The following TMEM232 variants were observed in gnomAD, a reference collection of about 807,000 sequenced individuals.
The protein encoded by TMEM232 is transmembrane protein 232.
A neutral mutation model predicts 78.8 loss-of-function variants in TMEM232; 80 were observed. The ratio of observed to expected loss-of-function variants is 1.01; its 90% CI spans 0.85 to 1.22. The LOEUF (loss-of-function observed/expected upper bound fraction) is 1.22, where lower values mean the gene tolerates loss of function less well. Ranked by LOEUF, TMEM232 falls within the 50% of genes most tolerant of loss-of-function variation. The pLI, the probability that TMEM232 is intolerant of heterozygous loss-of-function variation, is 0.00. For synonymous variants in TMEM232, 297 were observed against 254.3 expected (o/e 1.17, Z -1.60); for missense variants, 881 against 742.2 (o/e 1.19, Z -2.17).
chr5:110,685,225 G>C (rs1793248949), intron 1 of TMEM232, among the ~76,000 whole-genome samples: 1 of 151,994 alleles, frequency 6.6e-6, no homozygotes, highest in Admixed American at 6.6e-5. Flanking sequence ...TGGCACTTCA[G>C]AGGAAATGTT....
rs1310046839 is a variant in TMEM232 at position 110,618,534 on chromosome 5, C to T, written c.797G>A (p.Trp266Ter). Residue 266 changes from tryptophan to a stop codon, truncating the protein, a stop_gained, in exon 8 of 14, where the codon TGG becomes TAG. Coordinates refer to ENST00000455884, the MANE Select transcript of TMEM232 (RefSeq NM_001039763.4). LOFTEE classifies it high-confidence loss of function. ...MGGYEINHLLWHCVAAWSCVQ... is the reference protein window; with the variant it reads ...MGGYEINHLL ...ACAAGACCAAGCAGCAACACAGTGC[C>T]AGAGCAGGTGGTTAATTTCATATCC... is the stretch of plus-strand genomic sequence containing the variant. 1 of 1,550,418 alleles carries T rather than the reference C, an allele frequency of 6.4e-7. No individual in the cohort carries two copies. Among genetic ancestry groups the T allele is most frequent in the East Asian group, 2.4e-5 (1 of 40,870 alleles).
rs1393496554 is a variant in TMEM232, at chr5:110,638,212, TTTC to T, written c.484_486del (p.Glu162del). The T allele has an allele frequency of 1.7e-5, 27 of 1,543,158 alleles. No homozygotes were observed. The highest frequency in any genetic ancestry group is 2.4e-5 in the Non-Finnish European group (27 of 1,143,968). On this transcript the variant is annotated inframe_deletion, in exon 5 of 14. Transcript: ENST00000455884. ...TCAAAACATACCTTTGCTAGCTTTATTTCAACTGAATATAAATATGTTTTGAGG... is the reference window on the plus strand; with the variant it reads ...TCAAAACATACCTTTGCTAGCTTTATAACTGAATATAAATATGTTTTGAGG...
At chr5:110,582,892 T>A (rs1778367806) in intron 10 of TMEM232, among the ~76,000 whole-genome samples, 1 of 151,896 alleles carries the variant, frequency 6.6e-6, no homozygotes, top group African/African-American at 2.4e-5. Flanking sequence ...AGGAAATTAG[T>A]AAAACATTAC....
intron 2 of TMEM232, among the ~76,000 whole-genome samples, chr5:110,413,313 C>T (rs757588102): frequency 6.6e-6 from 1 of 152,138 alleles, no homozygotes; most frequent in Non-Finnish European, 1.5e-5. Context: ...TGGACTTACA[C>T]CAGTGGTTTT....
At chr5:110,559,313 C>T (rs140128127) in intron 11 of TMEM232, among the ~76,000 whole-genome samples, 2 of 152,100 alleles carry the variant, frequency 1.3e-5, no homozygotes, top group Non-Finnish European at 2.9e-5. Context: ...TACAAGTAAA[C>T]CCTAATAATA....
At chr5:110,691,124 T>C (rs1794066143) in intron 1 of TMEM232, among the ~76,000 whole-genome samples, 1 of 130,464 alleles carries the variant, frequency 7.7e-6, no homozygotes, top group African/African-American at 2.9e-5. Context: ...TGCACATGTA[T>C]CCCAGAACTT....
At chr5:110,706,548 G>C (rs1795949712) in intron 1 of TMEM232, among the ~76,000 whole-genome samples, 1 of 152,074 alleles carries the variant, frequency 6.6e-6, no homozygotes, top group Admixed American at 6.6e-5. Context: ...GTATAAAGGT[G>C]GTCTTCTAAT....
intron 8 of TMEM232, among the ~76,000 whole-genome samples, chr5:110,608,010 G>T (rs1333243362): frequency 1.3e-5 from 2 of 151,832 alleles, no homozygotes; most frequent in African/African-American, 4.8e-5. Context: ...AAAGCTATTT[G>T]GTTATGCAAT....
chr5:110,531,483 CCT>C (rs1771473594), intron 11 of TMEM232, among the ~76,000 whole-genome samples: 1 of 152,172 alleles, frequency 6.6e-6, no homozygotes, highest in Non-Finnish European at 1.5e-5. Flanking sequence ...CGGTAAGTGG[CCT>C]CTTTTTACTC....
intron 2 of TMEM232, among the ~76,000 whole-genome samples, chr5:110,652,492 TATA>T (rs1235144395): frequency 3.2e-4 from 48 of 152,352 alleles, no homozygotes; most frequent in Admixed American, 4.6e-4. Context: ...AACTACATTG[TATA>T]ATAATTTTAG....
intron 10 of TMEM232, among the ~76,000 whole-genome samples, chr5:110,591,128 T>C (rs1020777998): frequency 1.2e-4 from 18 of 152,284 alleles, no homozygotes; most frequent in South Asian, 4.1e-4. Flanking sequence ...AATTGTTTCT[T>C]TGTAATAAAG....
intron 2 of TMEM232, among the ~76,000 whole-genome samples, chr5:110,733,127 C>T (rs1319198838): frequency 6.6e-6 from 1 of 152,060 alleles, no homozygotes; most frequent in Non-Finnish European, 1.5e-5. Flanking sequence ...AATGAGTTCC[C>T]ATCTCATGCC....
At chr5:110,430,416 A>C (rs1033937966) in intron 12 of TMEM232, among the ~76,000 whole-genome samples, 1 of 151,226 alleles carries the variant, frequency 6.6e-6, no homozygotes, top group East Asian at 1.9e-4. Context: ...CCTTAATACT[A>C]TCCCTGAAGC....
At chr5:110,612,901 T>G (rs528573470) in intron 8 of TMEM232, among the ~76,000 whole-genome samples, 1 of 152,176 alleles carries the variant, frequency 6.6e-6, no homozygotes. Context: ...GAGCAAATAG[T>G]GCCGTTTATA....
At chr5:110,561,307 C>CA (rs201249788) in intron 11 of TMEM232, among the ~76,000 whole-genome samples, 72 of 150,462 alleles carry the variant, frequency 4.8e-4, no homozygotes, top group African/African-American at 1.7e-3. Flanking sequence ...CTTCACCTTG[C>CA]AATAAAAAAA....
At chr5:110,485,330 T>C (rs867315001) in intron 12 of TMEM232, among the ~76,000 whole-genome samples, 3 of 152,090 alleles carry the variant, frequency 2.0e-5, no homozygotes, top group African/African-American at 7.2e-5. Context: ...TTTCCATAAG[T>C]TATTGGTGTA....
At chr5:110,733,590 C>G (rs2150384104) in intron 2 of TMEM232, among the ~76,000 whole-genome samples, 1 of 152,188 alleles carries the variant, frequency 6.6e-6, no homozygotes, top group East Asian at 1.9e-4. Context: ...GAACAGAAAA[C>G]AAAATACCGC....
chr5:110,540,183 T>C lies in TMEM232; in HGVS notation c.1456-11348A>G, dbSNP rs915181236. Among the ~76,000 whole-genome samples, 7 of 152,320 alleles carry C rather than the reference T, an allele frequency of 4.6e-5. No individual in the cohort carries two copies. In the East Asian group the frequency reaches 1.2e-3, roughly 25 times the overall value. On this transcript the variant is annotated intron_variant, in intron 11 of 13. Coordinates refer to ENST00000455884, the MANE Select transcript of TMEM232 (RefSeq NM_001039763.4). ...AGGAAAGGCATAGCTGTAGTAGTAC[T>C]AGCCCAGAAATTAGGATCAGAACAC...
At chr5:110,483,808 A>G (rs186374) in intron 12 of TMEM232, among the ~76,000 whole-genome samples, 15,133 of 152,158 alleles carry the variant, frequency 0.099, 1,827 homozygotes, top group African/African-American at 0.29. Context: ...ATTACTGGGT[A>G]TATACCCCAA....
Sources: gnomAD v4.1 joint callset for allele counts (sites outside exome capture counted in the v4.1 genomes callset) on GRCh38, gnomAD v4.1.1 for gene constraint, MANE v1.5 for transcripts, NCBI Gene and HGNC (gene_info 2026-07-23, HGNC 2026-07-21) for gene names.